Variants in COL24A1 observed in about 807,000 individuals in gnomAD.
COL24A1 encodes collagen alpha-1(XXIV) chain.
Under a neutral mutation model 253.9 loss-of-function variants are expected in COL24A1, and 224 were observed. The ratio of observed to expected loss-of-function variants is 0.88; its 90% CI spans 0.79 to 0.99. The LOEUF is 0.99. Ranked by LOEUF, COL24A1 falls within the 50% of genes least tolerant of loss-of-function variation. The probability of loss-of-function intolerance (pLI) is 0.00; values close to 1 mark genes in which losing one functional copy is unlikely to be tolerated. For synonymous variants in COL24A1, 685 were observed against 673.7 expected (o/e 1.02, Z -0.26); for missense variants, 2,131 against 2,068.5 (o/e 1.03, Z -0.59).
chr1:85,852,170 T>G (rs1677851916), intron 37 of COL24A1, among the ~76,000 whole-genome samples: 1 of 152,100 alleles, frequency 6.6e-6, no homozygotes, highest in African/African-American at 2.4e-5. Context: ...GGATAACCAA[T>G]TGTACTGGTA....
chr1:85,765,548 A>AG (rs1344234269), intron 53 of COL24A1, among the ~76,000 whole-genome samples: 1 of 125,710 alleles, frequency 8.0e-6, no homozygotes, highest in Non-Finnish European at 1.7e-5. Context: ...CTACCGAAAA[A>AG]AAAAAAATCA....
chr1:85,911,275 A>G (rs991847432), intron 25 of COL24A1, 105 bp downstream of exon 25: 2 of 870,938 alleles, frequency 2.3e-6, no homozygotes, highest in African/African-American at 3.4e-5. Context: ...AATGTGCTAA[A>G]GTTATAAGTG....
intron 43 of COL24A1, among the ~76,000 whole-genome samples, chr1:85,833,257 T>C (rs905204362): frequency 2.0e-5 from 3 of 152,050 alleles, no homozygotes; most frequent in Non-Finnish European, 4.4e-5. Context: ...TACAATGAAC[T>C]CAAGCAAATT....
At chr1:85,866,357 T>A (rs572858524) in intron 37 of COL24A1, among the ~76,000 whole-genome samples, 1 of 152,338 alleles carries the variant, frequency 6.6e-6, no homozygotes, top group African/African-American at 2.4e-5. Flanking sequence ...ATCTCTTAGC[T>A]TTTTCTAAGT....
At chr1:85,854,414 ATTC>A (rs567465826) in intron 37 of COL24A1, among the ~76,000 whole-genome samples, 1 of 152,072 alleles carries the variant, frequency 6.6e-6, no homozygotes, top group Non-Finnish European at 1.5e-5. Context: ...CTCCAGCTCT[ATTC>A]TTCTTGCTTA....
chr1:85,818,677 G>A (rs1044503841), intron 45 of COL24A1, among the ~76,000 whole-genome samples: 7 of 152,214 alleles, frequency 4.6e-5, no homozygotes, highest in African/African-American at 1.7e-4. Flanking sequence ...CAGCAGTAAT[G>A]GGTCTGCCAG....
chr1:86,075,464 A>G (rs1702182933), intron 7 of COL24A1, among the ~76,000 whole-genome samples: 1 of 152,214 alleles, frequency 6.6e-6, no homozygotes, highest in Non-Finnish European at 1.5e-5. Flanking sequence ...TAACAGAGGT[A>G]CAAAGAGGAG....
At chr1:85,881,157 C>T (rs530336026) in intron 32 of COL24A1, among the ~76,000 whole-genome samples, 2 of 152,204 alleles carry the variant, frequency 1.3e-5, no homozygotes, top group Admixed American at 1.3e-4. Flanking sequence ...AATGAGATAA[C>T]CTGGAACCAG....
chr1:85,843,300 T>C (rs1015499061), intron 39 of COL24A1, among the ~76,000 whole-genome samples: 1 of 152,212 alleles, frequency 6.6e-6, no homozygotes, highest in African/African-American at 2.4e-5. Flanking sequence ...TTAGTAAATT[T>C]AGACTCATCC....
rs76816660 is a variant in COL24A1, at chr1:86,018,413, C to T, written c.2257-1209G>A. Among the ~76,000 whole-genome samples the T allele has an allele frequency of 3.5e-3, 534 of 152,302 alleles. 5 individuals carry two copies. Among genetic ancestry groups the T allele is most frequent in the African/African-American group, 0.012 (514 of 41,572 alleles). On this transcript the variant is annotated intron_variant, in intron 18 of 59. Coordinates refer to ENST00000370571, the MANE Select transcript of COL24A1 (RefSeq NM_152890.7). ...AACAAAATCTGTGATCCATCAGAAT[C>T]AGTATACTGAAGTTCTTAAAATGAC... is the stretch of plus-strand genomic sequence containing the variant.
chr1:85,844,050 T>C (rs1676911014), intron 39 of COL24A1, among the ~76,000 whole-genome samples: 1 of 151,998 alleles, frequency 6.6e-6, no homozygotes, highest in South Asian at 2.1e-4. Context: ...AGGATTTAAG[T>C]AGCTTAGCTA....
chr1:85,792,961 G>C (rs890298665), intron 47 of COL24A1, among the ~76,000 whole-genome samples: 1 of 152,072 alleles, frequency 6.6e-6, no homozygotes, highest in South Asian at 2.1e-4. Context: ...AATGTGGTGG[G>C]AGAGATGTTT....
intron 20 of COL24A1, among the ~76,000 whole-genome samples, chr1:85,977,462 T>TA (rs1359600631): frequency 6.6e-6 from 1 of 151,790 alleles, no homozygotes; most frequent in Non-Finnish European, 1.5e-5. Flanking sequence ...TAAAGAAATT[T>TA]AAAAAAACAA....
At chr1:85,835,021 G>A (rs1240750616) in intron 43 of COL24A1, among the ~76,000 whole-genome samples, 1 of 152,014 alleles carries the variant, frequency 6.6e-6, no homozygotes. Flanking sequence ...GTCCATGGGG[G>A]CAGAGACTGT....
At chr1:85,886,849 A>G (rs1055334314) in intron 32 of COL24A1, among the ~76,000 whole-genome samples, 2 of 152,110 alleles carry the variant, frequency 1.3e-5, no homozygotes, top group Non-Finnish European at 2.9e-5. Flanking sequence ...TTTTTTGTTT[A>G]GATTTTTACA....
intron 43 of COL24A1, among the ~76,000 whole-genome samples, chr1:85,834,291 T>TGAGA (rs149685271): frequency 1.3e-5 from 2 of 148,608 alleles, no homozygotes; most frequent in African/African-American, 5.0e-5. Context: ...AGTGAGTGAG[T>TGAGA]GAGAGAGAGA....
Position 85,823,691 on chromosome 1 carries a change from T to A in COL24A1, c.3729A>T (p.Gly1243=). ...PGLRGATGQQ[G]PPGEPGDQGE... ...TAATGCTTTCAAAACATACTGGGGG[T>A]CCTTGTTGTCCAGTGGCACCTCTTA... The change falls in exon 44 of 60, where the codon GGA becomes GGT. Residue 1243 remains glycine, a synonymous_variant. Transcript: ENST00000370571. 1 of 1,613,700 alleles carries A rather than the reference T, an allele frequency of 6.2e-7. No homozygotes were observed. Among genetic ancestry groups the A allele is most frequent in the Non-Finnish European group, 8.5e-7 (1 of 1,179,814 alleles).
intron 12 of COL24A1, among the ~76,000 whole-genome samples, chr1:86,046,436 T>C (rs950276453): frequency 1.3e-5 from 2 of 152,178 alleles, no homozygotes; most frequent in Admixed American, 1.3e-4. Context: ...AATTAACAGC[T>C]GAAGCACGCA....
intron 52 of COL24A1, among the ~76,000 whole-genome samples, chr1:85,776,480 ATG>A (rs1441029200): frequency 8.7e-6 from 1 of 115,376 alleles, no homozygotes; most frequent in Non-Finnish European, 1.8e-5. Flanking sequence ...AAAATTTTAT[ATG>A]TATATATATG....
Sources: gnomAD v4.1 joint callset for allele counts (sites outside exome capture counted in the v4.1 genomes callset) on GRCh38, gnomAD v4.1.1 for gene constraint, MANE v1.5 for transcripts, NCBI Gene and HGNC (gene_info 2026-07-23, HGNC 2026-07-21) for gene names.